ACYP2: variants seen among roughly 807,000 people sequenced by gnomAD.
ACYP2 encodes the protein acylphosphatase-2.
In ACYP2, 12 loss-of-function variants were observed where a neutral mutation model predicts 11.2. The observed-to-expected ratio is 1.08, with a 90% confidence interval of 0.69 to 1.74. The LOEUF (loss-of-function observed/expected upper bound fraction) is 1.74, where lower values mean the gene tolerates loss of function less well. ACYP2 is among the 40% of genes most tolerant of loss of function. The pLI, the probability that ACYP2 is intolerant of heterozygous loss-of-function variation, is 0.00. For missense variants in ACYP2, 134 were observed against 101.9 expected, an observed-to-expected ratio of 1.31 and a Z score of -1.35; for synonymous variants, 43 against 32.2, an observed-to-expected ratio of 1.33 and a Z score of -1.13.
intron 6 of ACYP2, among the ~76,000 whole-genome samples, chr2:54,176,103 C>G (rs1683448423): frequency 6.6e-6 from 1 of 152,126 alleles, no homozygotes; most frequent in Non-Finnish European, 1.5e-5. Flanking sequence ...CAATATGTTT[C>G]TGTTGTTTAT....
chr2:54,296,326 C>T (rs879064472), intron 6 of ACYP2, among the ~76,000 whole-genome samples: 3 of 152,132 alleles, frequency 2.0e-5, no homozygotes, highest in East Asian at 1.9e-4. Flanking sequence ...TATTTGATGG[C>T]TAAATACATG....
At chr2:54,193,183 A>G (rs1245897660) in intron 6 of ACYP2, among the ~76,000 whole-genome samples, 4 of 152,170 alleles carry the variant, frequency 2.6e-5, no homozygotes, top group African/African-American at 9.7e-5. Context: ...TTTAAAGAGG[A>G]AAAGAGACCT....
intron 6 of ACYP2, among the ~76,000 whole-genome samples, chr2:54,276,317 G>A (rs533637500): frequency 1.8e-4 from 27 of 152,110 alleles, no homozygotes; most frequent in Non-Finnish European, 3.2e-4. Context: ...GTTAGTGTAG[G>A]TATTTCAGAC....
At chr2:54,117,015 C>T (rs1316125713) in intron 4 of ACYP2, among the ~76,000 whole-genome samples, 2 of 152,126 alleles carry the variant, frequency 1.3e-5, no homozygotes, top group East Asian at 3.8e-4. Context: ...TAGAGGTGAA[C>T]TACTGATTAG....
At chr2:54,219,856 G>GTGT (rs1366261046) in intron 6 of ACYP2, among the ~76,000 whole-genome samples, 45 of 16,572 alleles carry the variant, frequency 2.7e-3, no homozygotes, top group East Asian at 0.021. Flanking sequence ...TGTGTATATA[G>GTGT]ATGTGTGTGT....
At chr2:54,083,525 A>G (rs545452746) in intron 4 of ACYP2, among the ~76,000 whole-genome samples, 3 of 152,190 alleles carry the variant, frequency 2.0e-5, no homozygotes, top group Non-Finnish European at 4.4e-5. Context: ...GTTTACAGAG[A>G]ACAGCCATTG....
chr2:54,169,093 G>T (rs553693158), intron 6 of ACYP2, among the ~76,000 whole-genome samples: 1 of 152,322 alleles, frequency 6.6e-6, no homozygotes, highest in Admixed American at 6.5e-5. Flanking sequence ...TCTTTCTAAA[G>T]TATGTTAGAC....
chr2:54,122,145 T>G (rs1424858560), intron 4 of ACYP2, among the ~76,000 whole-genome samples: 1 of 152,196 alleles, frequency 6.6e-6, no homozygotes, highest in Non-Finnish European at 1.5e-5. Flanking sequence ...ACTTCCTGCA[T>G]TCAAAATTGA....
At chr2:54,027,671 C>G (rs1674360525) in intron 2 of ACYP2, among the ~76,000 whole-genome samples, 1 of 151,982 alleles carries the variant, frequency 6.6e-6, no homozygotes, top group African/African-American at 2.4e-5. Context: ...TTCTCTACAT[C>G]TTGGTATATT....
intron 6 of ACYP2, among the ~76,000 whole-genome samples, chr2:54,208,053 A>G (rs1316465662): frequency 6.6e-6 from 1 of 152,122 alleles, no homozygotes; most frequent in Admixed American, 6.5e-5. Flanking sequence ...TATGGTCTGC[A>G]TGTGATTTGC....
At chr2:54,006,390 A>G (rs938173318) in intron 2 of ACYP2, among the ~76,000 whole-genome samples, 1 of 151,372 alleles carries the variant, frequency 6.6e-6, no homozygotes, top group Admixed American at 6.6e-5. Flanking sequence ...CAGGTGATCC[A>G]CCCGCCTCGG....
At chr2:53,985,621 A>G (rs1411105465) in intron 2 of ACYP2, among the ~76,000 whole-genome samples, 4 of 152,326 alleles carry the variant, frequency 2.6e-5, no homozygotes, top group Admixed American at 2.0e-4. Flanking sequence ...AACTGTGTTT[A>G]TGTTTGCACA....
intron 6 of ACYP2, among the ~76,000 whole-genome samples, chr2:54,290,502 C>T (rs940350034): frequency 2.0e-5 from 3 of 150,182 alleles, no homozygotes; most frequent in Admixed American, 6.6e-5. Flanking sequence ...GATTTGTAAG[C>T]GTATGTAAAA....
At chr2:53,977,522 C>A (rs1233807668) in intron 2 of ACYP2, among the ~76,000 whole-genome samples, 2 of 151,402 alleles carry the variant, frequency 1.3e-5, no homozygotes, top group Non-Finnish European at 2.9e-5. Flanking sequence ...ATCACGAGGT[C>A]AAGAGTTTGA....
At chr2:54,097,073 A>G (rs1678634341) in intron 4 of ACYP2, among the ~76,000 whole-genome samples, 1 of 152,212 alleles carries the variant, frequency 6.6e-6, no homozygotes, top group African/African-American at 2.4e-5. Context: ...CATGAACATA[A>G]TTAAAAAGCA....
chr2:53,992,830 C>CAAA (rs535748279), intron 2 of ACYP2, among the ~76,000 whole-genome samples: 3 of 100,702 alleles, frequency 3.0e-5, no homozygotes, highest in Non-Finnish European at 4.0e-5. Context: ...AACTCCATCT[C>CAAA]AAAAAAAAAA....
intron 6 of ACYP2, among the ~76,000 whole-genome samples, chr2:54,145,508 A>C (rs981171232): frequency 1.3e-5 from 2 of 151,962 alleles, no homozygotes. Context: ...GGATTTTCAA[A>C]CACATACATG....
intron 4 of ACYP2, among the ~76,000 whole-genome samples, chr2:54,072,534 C>CTTT (rs1677114051): frequency 7.9e-6 from 1 of 126,250 alleles, no homozygotes; most frequent in Non-Finnish European, 1.7e-5. Flanking sequence ...TTCTTTCTTT[C>CTTT]CTTCCTTCCT....
intron 6 of ACYP2, chr2:54,255,333 C>T: frequency 6.2e-7 from 1 of 1,614,186 alleles, no homozygotes; most frequent in Non-Finnish European, 8.5e-7. Flanking sequence ...AGTAGCTTAA[C>T]ATCTCGGCAT....
Sources: gnomAD v4.1 joint callset for allele counts (sites outside exome capture counted in the v4.1 genomes callset) on GRCh38, gnomAD v4.1.1 for gene constraint, MANE v1.5 for transcripts, NCBI Gene and HGNC (gene_info 2026-07-23, HGNC 2026-07-21) for gene names.